ADAMTS13: variants seen among roughly 807,000 people sequenced by gnomAD.
ADAMTS13 encodes the protein ADAM metallopeptidase with thrombospondin type 1 motif 13.
A neutral mutation model predicts 155.1 loss-of-function variants in ADAMTS13; 110 were observed. That is an observed-to-expected ratio of 0.71 (90% confidence interval 0.61 to 0.83). The LOEUF is 0.83. Ranked by LOEUF, ADAMTS13 falls within the 40% of genes least tolerant of loss-of-function variation. The pLI is 0.00. For synonymous variants in ADAMTS13, 758 were observed against 756.4 expected (o/e 1.00, Z -0.03); for missense variants, 1,707 against 1,891.7 (o/e 0.90, Z 1.81).
chr9:133,436,782 G>A (rs781784922), intron 11 of ADAMTS13, 47 bp from the exon 12 acceptor site: 84 of 653,362 alleles, frequency 1.3e-4, no homozygotes, highest in Admixed American at 5.9e-4. Context: ...GACAACACCC[G>A]CCCCCCGCCC....
chr9:133,432,474 A>T, intron 8 of ADAMTS13, 114 bp from the exon 9 acceptor site: 1 of 925,600 alleles, frequency 1.1e-6, no homozygotes, highest in Non-Finnish European at 1.7e-6. Context: ...CACGGTGCAG[A>T]GTGTTGGCTG....
intron 22 of ADAMTS13, 87 bp downstream of exon 22, chr9:133,448,815 A>AG: frequency 1.3e-5 from 20 of 1,534,730 alleles, no homozygotes; most frequent in Non-Finnish European, 1.7e-5. Context: ...TGACCTGCGG[A>AG]GGGGGGCAGG....
rs142366230 is a variant in ADAMTS13, at chr9:133,424,372, C to G, written c.224C>G (p.Ala75Gly). ...FQRQRQRQRRAAGGILHLELL... is the reference protein window; with the variant it reads ...FQRQRQRQRRGAGGILHLELL... ...AGGCAGAGGCAGAGGCAGAGGCGGG[C>G]TGCAGGCGGCATCCTACACCTGGAG... Residue 75 changes from alanine to glycine, a missense_variant, in exon 3 of 29, where the codon GCT becomes GGT. By Grantham distance (60) the Ala-to-Gly change is moderately conservative (BLOSUM62 0). Transcript: ENST00000355699. This position sits in a 1 kb window ranked among gnomAD's most constrained non-coding sequence, Gnocchi z 4.3. 13 of 1,613,222 alleles carry G rather than the reference C, an allele frequency of 8.1e-6. No homozygotes were observed. Among genetic ancestry groups the G allele is most frequent in the African/African-American group, 2.7e-5 (2 of 74,904 alleles).
At chr9:133,450,757 AAAC>A (rs1335703839) in intron 23 of ADAMTS13, among the ~76,000 whole-genome samples, 1 of 152,256 alleles carries the variant, frequency 6.6e-6, no homozygotes, top group Non-Finnish European at 1.5e-5. Flanking sequence ...CTCAAAAACA[AAAC>A]AACAAAACAA....
At chr9:133,442,871 A>T in intron 18 of ADAMTS13, 128 bp downstream of exon 18, 1 of 1,398,720 alleles carries the variant, frequency 7.1e-7, no homozygotes, top group Non-Finnish European at 9.4e-7. Context: ...GCAGGCTCTC[A>T]TTACCCCTGC....
At chr9:133,443,202 C>T (rs587703581) in intron 18 of ADAMTS13, among the ~76,000 whole-genome samples, 174 bp from the exon 19 acceptor site, 82 of 152,332 alleles carry the variant, frequency 5.4e-4, no homozygotes, top group Non-Finnish European at 9.0e-4. Context: ...GCCTGTGATT[C>T]GGTTGTCCTC....
Position 133,425,646 on chromosome 9 carries a change from A to G in ADAMTS13, c.414+34A>G, listed in dbSNP as rs782418100. On this transcript the variant is annotated intron_variant, in intron 4 of 28. Coordinates refer to ENST00000355699, the MANE Select transcript of ADAMTS13 (RefSeq NM_139027.6). This position sits in a 1 kb window ranked among gnomAD's most constrained non-coding sequence, Gnocchi z 4.6. Reference sequence around the variant, plus strand: ...GGAGCTGGAACTCAGCACACCATACAGAGCGGGAAGCCCAAGTCATCGCAT... The same window carrying G: ...GGAGCTGGAACTCAGCACACCATACGGAGCGGGAAGCCCAAGTCATCGCAT... The G allele has an allele frequency of 2.3e-5, 37 of 1,604,744 alleles. No homozygotes were observed. The highest frequency in any genetic ancestry group is 2.8e-5 in the Non-Finnish European group (33 of 1,174,694).
At chr9:133,452,494 T>C (rs1842493524) in intron 23 of ADAMTS13, among the ~76,000 whole-genome samples, 1 of 152,230 alleles carries the variant, frequency 6.6e-6, no homozygotes, top group South Asian at 2.1e-4. Context: ...CTAAAGTCCC[T>C]TGGCTGTGTG....
rs587667457 is a variant in ADAMTS13, at chr9:133,424,003, T to C, written c.173-318T>C. 1.2e-4 allele frequency among the ~76,000 whole-genome samples: 18 copies of C among 152,326 alleles called. No individual in the cohort carries two copies. The highest frequency in any genetic ancestry group is 2.4e-4 in the Non-Finnish European group (16 of 68,018). ...AGTTTCCTGTCGGGGTCCATGATGT[T>C]ACTTGTGAAACACCTGTGCCCAGAG... On this transcript the variant is annotated intron_variant, in intron 2 of 28. Coordinates refer to ENST00000355699, the MANE Select transcript of ADAMTS13 (RefSeq NM_139027.6). The surrounding 1 kb of genome is among the most constrained non-coding windows in gnomAD (Gnocchi z 4.3).
At chr9:133,434,495 A>C (rs1554788423) in intron 11 of ADAMTS13, among the ~76,000 whole-genome samples, 47,966 of 151,784 alleles carry the variant, frequency 0.32, 9,503 homozygotes, top group Non-Finnish European at 0.43. Context: ...TTAGTAGAGG[A>C]GGGGTTTCAC....
chr9:133,438,885 C>T lies in ADAMTS13; in HGVS notation c.1706-481C>T, dbSNP rs144535436. 4.7e-3 allele frequency among the ~76,000 whole-genome samples: 675 copies of T among 142,376 alleles called. 5 individuals are homozygous for T. Among genetic ancestry groups the T allele is most frequent in the African/African-American group, 0.017 (652 of 37,612 alleles). 93.4% of individuals were successfully genotyped at this position (142,376 alleles called of 152,430 possible). ...GCCGAGATCCCTCTGCACTCCAGCC[C>T]GGGCAACAGAGTGAGACACTGTCTC... On this transcript the variant is annotated intron_variant, in intron 14 of 28. Coordinates refer to ENST00000355699, the MANE Select transcript of ADAMTS13 (RefSeq NM_139027.6).
At chr9:133,417,493 G>C (rs1839722981), upstream of ADAMTS13, 3 of 957,092 alleles carry the variant, frequency 3.1e-6, no homozygotes, top group African/African-American at 3.3e-5. Context: ...CTTGTGAAAA[G>C]CTGTTTACAA....
chr9:133,430,682 C>CT (rs369703236), intron 8 of ADAMTS13, among the ~76,000 whole-genome samples: 1,616 of 142,040 alleles, frequency 0.011, 18 homozygotes, highest in African/African-American at 0.028. Context: ...AAATACAAGT[C>CT]TTTTTTTTTC....
intron 22 of ADAMTS13, 90 bp downstream of exon 22, chr9:133,448,818 G>C: frequency 6.5e-7 from 1 of 1,529,984 alleles, no homozygotes; most frequent in Non-Finnish European, 8.8e-7. Context: ...CCTGCGGAGG[G>C]GGGCAGGTGC....
At chr9:133,428,130 T>A (rs587679167) in intron 6 of ADAMTS13, among the ~76,000 whole-genome samples, 1 of 151,766 alleles carries the variant, frequency 6.6e-6, no homozygotes, top group East Asian at 1.9e-4. Flanking sequence ...TAAAGCAAGC[T>A]CTGTTGTGAC....
In ADAMTS13 at chr9:133,445,930, A is replaced by G; in HGVS notation, c.2731+111A>G. ...TTGAGGTGGATTGCAGAAAATCCAGACTATATGGGAACACGTGGTAATACA... is the reference window on the plus strand; with the variant it reads ...TTGAGGTGGATTGCAGAAAATCCAGGCTATATGGGAACACGTGGTAATACA... On this transcript the variant is annotated intron_variant, in intron 21 of 28. Transcript: ENST00000355699. The surrounding 1 kb of genome is among the most constrained non-coding windows in gnomAD (Gnocchi z 5.0). 7.0e-7 allele frequency: 1 copy of G among 1,421,422 alleles called. No individual in the cohort carries two copies. 88.1% of individuals were successfully genotyped at this position (1,421,422 alleles called of 1,614,324 possible).
upstream of ADAMTS13, among the ~76,000 whole-genome samples, chr9:133,420,150 C>T (rs1452982771): frequency 4.6e-5 from 7 of 152,184 alleles, no homozygotes; most frequent in South Asian, 2.1e-4. Flanking sequence ...GTGATCCTCT[C>T]GCCTCAGCCT....
chr9:133,423,026 T>G (rs782719643), intron 1 of ADAMTS13, 75 bp from the exon 2 acceptor site: 31 of 1,199,606 alleles, frequency 2.6e-5, no homozygotes, highest in Non-Finnish European at 3.5e-5. Flanking sequence ...TCCTCCCACC[T>G]CGGTCTCCCC....
rs1840143178 is a variant in ADAMTS13 at position 133,424,419 on chromosome 9, G to A, written c.271G>A (p.Asp91Asn). 2.5e-6 allele frequency: 4 copies of A among 1,613,668 alleles called. No individual in the cohort carries two copies. Among genetic ancestry groups the A allele is most frequent in the Middle Eastern group, 1.7e-4 (1 of 6,048 alleles). The change falls in exon 3 of 29, where the codon GAT becomes AAT. Residue 91 changes from aspartate (D) to asparagine (N), a missense_variant. This residue lies in a region of ADAMTS13 where 733 missense variants were observed against 749.6 expected (regional missense o/e 0.98). Coordinates refer to ENST00000355699, the MANE Select transcript of ADAMTS13 (RefSeq NM_139027.6). The surrounding 1 kb of genome is among the most constrained non-coding windows in gnomAD (Gnocchi z 4.3). ...HLELLVAVGP[D>N]VFQAHQEDTE... is the part of the protein sequence containing the mutation. ...GGAGCTGCTGGTGGCCGTGGGCCCC[G>A]ATGTCTTCCAGGCTCACCAGGAGGA... is the stretch of plus-strand genomic sequence containing the variant.
Sources: gnomAD v4.1 joint callset for allele counts (sites outside exome capture counted in the v4.1 genomes callset) on GRCh38, gnomAD v4.1.1 for gene constraint, gnomAD v4.1.1 regional missense constraint, Gnocchi (gnomAD v3.1) non-coding constraint, MANE v1.5 for transcripts, NCBI Gene and HGNC (gene_info 2026-07-23, HGNC 2026-07-21) for gene names.